The following TMPRSS15 variants were observed in gnomAD, a reference collection of about 807,000 sequenced individuals.
The protein encoded by TMPRSS15 is enteropeptidase.
TMPRSS15 carries 128 observed loss-of-function variants against 125.3 expected under a neutral mutation model. That is an observed-to-expected ratio of 1.02 (90% confidence interval 0.89 to 1.18). The LOEUF is 1.18. TMPRSS15 is among the 50% of genes most tolerant of loss of function. TMPRSS15 has a pLI of 0.00. For missense variants in TMPRSS15, 1,283 were observed against 1,212.7 expected, an observed-to-expected ratio of 1.06 and a Z score of -0.86; for synonymous variants, 446 against 423.2, an observed-to-expected ratio of 1.05 and a Z score of -0.66.
At position 18,353,815 on chromosome 21, in the gene TMPRSS15, T is replaced by C. The variant is rs779617833; in HGVS notation, c.929A>G (p.Gln310Arg). 3 of 1,611,782 alleles carry C rather than the reference T, an allele frequency of 1.9e-6. No individual in the cohort carries two copies. The highest frequency in any genetic ancestry group is 1.3e-5 in the African/African-American group (1 of 74,948). ...TTCTATAAGAAAGGTGGCAGTAACT[T>C]GGTTGGAAAAAATTCTTATTGTGCC... ...NPGTIRIFSNQVTATFLIESD... is the reference protein window; with the variant it reads ...NPGTIRIFSNRVTATFLIESD... Residue 310 changes from glutamine to arginine, a missense_variant, in exon 9 of 25, where the codon CAA (glutamine) becomes CGA (arginine). By Grantham distance (43) the Gln-to-Arg change is conservative (BLOSUM62 1). Transcript: ENST00000284885.
At position 18,343,539 on chromosome 21, in the gene TMPRSS15, T is replaced by G. The variant is rs752151511; in HGVS notation, c.1395A>C (p.Gly465=). The G allele has an allele frequency of 1.9e-6, 3 of 1,612,940 alleles. No homozygotes were observed. The African/African-American group carries it at 4.0e-5, about 21-fold the overall frequency. The part of the protein sequence containing the change: ...EGNYGDNWNY[G]QVTLNETVKF... ...TAACTGTTTCATTTAGGGTTACTTG[T>G]CCATAATTCCAATTGTCTCCATAAT... The change falls in exon 12 of 25, where the codon GGA becomes GGC. Residue 465 remains glycine, a synonymous_variant. Coordinates refer to ENST00000284885, the MANE Select transcript of TMPRSS15 (RefSeq NM_002772.3).
intron 1 of TMPRSS15, among the ~76,000 whole-genome samples, chr21:18,419,156 C>A (rs1186808021): frequency 6.6e-6 from 1 of 151,960 alleles, no homozygotes; most frequent in Non-Finnish European, 1.5e-5. Flanking sequence ...TTAAAACTTA[C>A]CAGCTCCCCA....
At chr21:18,310,709 A>T (rs539158136) in intron 18 of TMPRSS15, among the ~76,000 whole-genome samples, 2 of 152,210 alleles carry the variant, frequency 1.3e-5, no homozygotes, top group African/African-American at 4.8e-5. Flanking sequence ...GAATAGAAAA[A>T]AAATCCTAAA....
chr21:18,432,021 T>G (rs2123212916), intron 1 of TMPRSS15, among the ~76,000 whole-genome samples: 1 of 152,296 alleles, frequency 6.6e-6, no homozygotes, highest in Admixed American at 6.5e-5. Flanking sequence ...AAAGTTTTCT[T>G]ACATTTATCT....
At chr21:18,294,175 G>T in intron 21 of TMPRSS15, 95 bp downstream of exon 21, 1 of 1,428,406 alleles carries the variant, frequency 7.0e-7, no homozygotes, top group Non-Finnish European at 9.8e-7. Flanking sequence ...GATTTCCCTG[G>T]TGGGATGGTT....
At chr21:18,392,625 C>A (rs887323993) in intron 3 of TMPRSS15, among the ~76,000 whole-genome samples, 1 of 152,144 alleles carries the variant, frequency 6.6e-6, no homozygotes, top group Non-Finnish European at 1.5e-5. Context: ...TCCACATTTT[C>A]GGTTATCTTT....
Position 18,360,508 on chromosome 21 carries a change from C to T in TMPRSS15, c.774-645G>A, listed in dbSNP as rs114618834. On this transcript the variant is annotated intron_variant, in intron 7 of 24. Transcript: ENST00000284885. ...TGCACACTGTTCTCCATAGCAGCTGCACCATTTCAGGTCTTCTCGATATCA... is the reference window on the plus strand; with the variant it reads ...TGCACACTGTTCTCCATAGCAGCTGTACCATTTCAGGTCTTCTCGATATCA... 5.3e-5 allele frequency among the ~76,000 whole-genome samples: 8 copies of T among 152,162 alleles called. No homozygotes were observed. In the South Asian group the frequency reaches 1.7e-3, roughly 32 times the overall value.
intron 17 of TMPRSS15, among the ~76,000 whole-genome samples, chr21:18,314,315 G>A (rs1180435011): frequency 6.6e-6 from 1 of 152,066 alleles, no homozygotes; most frequent in Non-Finnish European, 1.5e-5. Context: ...TTTCGCTCTT[G>A]TAACAAAGGC....
intron 1 of TMPRSS15, among the ~76,000 whole-genome samples, chr21:18,411,756 C>T (rs1188297481): frequency 6.6e-6 from 1 of 152,164 alleles, no homozygotes; most frequent in Non-Finnish European, 1.5e-5. Flanking sequence ...GAAAGTCACT[C>T]TCACCAAGCA....
chr21:18,454,412 G>GAT (rs761685517), intron 1 of TMPRSS15, among the ~76,000 whole-genome samples: 3 of 151,980 alleles, frequency 2.0e-5, no homozygotes, highest in African/African-American at 4.8e-5. Context: ...GAACCAATAG[G>GAT]ATATATATAG....
At chr21:18,397,503 A>C (rs970436122) in intron 3 of TMPRSS15, among the ~76,000 whole-genome samples, 1 of 152,126 alleles carries the variant, frequency 6.6e-6, no homozygotes, top group Admixed American at 6.5e-5. Context: ...CACAGTGGAC[A>C]AGTACCTTCT....
intron 18 of TMPRSS15, among the ~76,000 whole-genome samples, chr21:18,301,863 T>C (rs2074977015): frequency 1.3e-5 from 2 of 152,180 alleles, no homozygotes; most frequent in African/African-American, 4.8e-5. Flanking sequence ...CTTTATTCCA[T>C]GTGAGAAAAG....
chr21:18,305,507 T>C (rs930130836), intron 18 of TMPRSS15, among the ~76,000 whole-genome samples: 1 of 152,164 alleles, frequency 6.6e-6, no homozygotes. Context: ...TCTATAAATT[T>C]ATCCCAGGTG....
intron 1 of TMPRSS15, among the ~76,000 whole-genome samples, chr21:18,415,530 G>A (rs1162033664): frequency 3.9e-5 from 6 of 152,058 alleles, no homozygotes; most frequent in African/African-American, 1.4e-4. Context: ...ATTTTTGTGA[G>A]TGGTGTTAGG....
chr21:18,272,281 C>G (rs995675684), intron 24 of TMPRSS15, among the ~76,000 whole-genome samples: 21 of 152,182 alleles, frequency 1.4e-4, no homozygotes, highest in African/African-American at 5.1e-4. Flanking sequence ...GATGGTATCT[C>G]ATTGTGGTTT....
chr21:18,353,940 CT>C, intron 8 of TMPRSS15, 77 bp from the exon 9 acceptor site: 1 of 1,395,182 alleles, frequency 7.2e-7, no homozygotes, highest in South Asian at 1.2e-5. Flanking sequence ...AGTCCATCTA[CT>C]GAACTATCAG....
At chr21:18,295,033 A>G (rs924006028) in intron 19 of TMPRSS15, among the ~76,000 whole-genome samples, 5 of 152,224 alleles carry the variant, frequency 3.3e-5, no homozygotes, top group Admixed American at 1.3e-4. Flanking sequence ...TTGTTATGTT[A>G]CTTGAACCGA....
At chr21:18,389,100 AG>A (rs1254203759) in intron 3 of TMPRSS15, among the ~76,000 whole-genome samples, 6 of 151,756 alleles carry the variant, frequency 4.0e-5, no homozygotes, top group Non-Finnish European at 8.8e-5. Context: ...GAAAGAAAGA[AG>A]AAAAAAAGAG....
chr21:18,404,323 C>G (rs1160868213), upstream of TMPRSS15, among the ~76,000 whole-genome samples: 1 of 152,090 alleles, frequency 6.6e-6, no homozygotes, highest in Non-Finnish European at 1.5e-5. Context: ...TCTTTATGGC[C>G]TTGTGCAGTT....
Sources: gnomAD v4.1 joint callset for allele counts (sites outside exome capture counted in the v4.1 genomes callset) on GRCh38, gnomAD v4.1.1 for gene constraint, MANE v1.5 for transcripts, NCBI Gene and HGNC (gene_info 2026-07-23, HGNC 2026-07-21) for gene names.